Variants in TULP4 observed in about 807,000 individuals in gnomAD.
TULP4 encodes tubby-related protein 4.
TULP4 carries 16 observed loss-of-function variants against 129.0 expected under a neutral mutation model. That is an observed-to-expected ratio of 0.12 (90% CI 0.08 to 0.19). The LOEUF (loss-of-function observed/expected upper bound fraction) is 0.19. TULP4 is among the 10% of genes least tolerant of loss of function. The pLI is 1.00. For missense variants in TULP4, 1,842 were observed against 2,059.1 expected (o/e 0.89, Z 2.04); for synonymous variants, 998 against 854.0 (o/e 1.17, Z -2.94).
intron 1 of TULP4, among the ~76,000 whole-genome samples, chr6:158,249,313 A>G (rs571200589): frequency 6.8e-6 from 1 of 147,322 alleles, no homozygotes; most frequent in South Asian, 2.1e-4. Context: ...AATGAAATAA[A>G]TAATCTAATA....
At chr6:158,382,466 C>G (rs925664016) in intron 1 of TULP4, among the ~76,000 whole-genome samples, 4 of 152,174 alleles carry the variant, frequency 2.6e-5, no homozygotes, top group Non-Finnish European at 4.4e-5. Flanking sequence ...GCTGTGTCCT[C>G]TTTGCTTTTT....
At chr6:158,240,654 C>G (rs1479227546) in intron 1 of TULP4, among the ~76,000 whole-genome samples, 2 of 109,394 alleles carry the variant, frequency 1.8e-5, no homozygotes, top group African/African-American at 5.8e-5. Context: ...GAGGCTGACC[C>G]CCCCACCTCC....
At position 158,493,912 on chromosome 6, in the gene TULP4, C is replaced by T. The variant is rs1780270858; in HGVS notation, c.1776+195C>T. Among the ~76,000 whole-genome samples the T allele has an allele frequency of 6.6e-6, 1 of 152,146 alleles. No homozygotes were observed. Among genetic ancestry groups the T allele is most frequent in the South Asian group, 2.1e-4 (1 of 4,830 alleles). On this transcript the variant is annotated intron_variant, in intron 10 of 13. Coordinates refer to ENST00000367097, the MANE Select transcript of TULP4 (RefSeq NM_020245.5). This position sits in a 1 kb window ranked among gnomAD's most constrained non-coding sequence, Gnocchi z 4.4. ...TGGCTTCTCCACCTGTGCCCCTCAGCCAGTTCTGATCTTGCAGTGACGGTG... is the reference window on the plus strand; with the variant it reads ...TGGCTTCTCCACCTGTGCCCCTCAGTCAGTTCTGATCTTGCAGTGACGGTG...
At chr6:158,267,932 A>G (rs1778477390) in intron 1 of TULP4, among the ~76,000 whole-genome samples, 2 of 151,594 alleles carry the variant, frequency 1.3e-5, no homozygotes, top group South Asian at 2.1e-4. Context: ...AGAAGGGTTT[A>G]TCAGTGGTAC....
intron 3 of TULP4, among the ~76,000 whole-genome samples, chr6:158,433,572 G>A (rs956654456): frequency 1.6e-4 from 25 of 152,248 alleles, no homozygotes; most frequent in Non-Finnish European, 7.4e-5. Context: ...TTAGCCAGGC[G>A]TGGTGGCACG....
At chr6:158,288,171 T>C (rs1300560393) in intron 1 of TULP4, among the ~76,000 whole-genome samples, 2 of 152,234 alleles carry the variant, frequency 1.3e-5, no homozygotes, top group Non-Finnish European at 2.9e-5. Flanking sequence ...TATGGCTGTC[T>C]TAAATGACAT....
At chr6:158,365,883 T>A (rs1319992505) in intron 1 of TULP4, among the ~76,000 whole-genome samples, 1 of 97,084 alleles carries the variant, frequency 1.0e-5, no homozygotes, top group Non-Finnish European at 2.3e-5. Flanking sequence ...TTCTTTTTTT[T>A]TTTTTCTTTT....
Position 158,502,563 on chromosome 6 carries a change from A to G in TULP4, c.2900A>G (p.Gln967Arg). Reference sequence around the variant, plus strand: ...CCCCCGTATCCTGAAATTGCCAGCCAGCTGGCCCAGGGGCGGGGGGCTGCC... The same window carrying G: ...CCCCCGTATCCTGAAATTGCCAGCCGGCTGGCCCAGGGGCGGGGGGCTGCC... Reference protein sequence around the residue: ...DPPPYPEIASQLAQGRGAAQR... With the variant: ...DPPPYPEIASRLAQGRGAAQR... Residue 967 changes from glutamine to arginine, a missense_variant, in exon 13 of 14, where the codon CAG becomes CGG. Physicochemically the swap from Gln to Arg is conservative, Grantham distance 43 (BLOSUM62 1). Transcript: ENST00000367097. 8 of 1,606,556 alleles carry G rather than the reference A, an allele frequency of 5.0e-6. No homozygotes were observed. The highest frequency in any genetic ancestry group is 6.8e-6 in the Non-Finnish European group (8 of 1,179,910).
chr6:158,492,493 T>G (rs944076719), intron 9 of TULP4, among the ~76,000 whole-genome samples: 1 of 152,228 alleles, frequency 6.6e-6, no homozygotes, highest in Non-Finnish European at 1.5e-5. Flanking sequence ...TTATGAACTT[T>G]CCTATATTTC....
intron 1 of TULP4, among the ~76,000 whole-genome samples, chr6:158,265,675 C>T (rs1025537703): frequency 9.8e-5 from 14 of 142,356 alleles, no homozygotes; most frequent in African/African-American, 3.5e-4. Flanking sequence ...AGCAAGACTC[C>T]ATCTCAGAAG....
At chr6:158,254,562 A>G (rs1235206839) in intron 1 of TULP4, among the ~76,000 whole-genome samples, 2 of 152,206 alleles carry the variant, frequency 1.3e-5, no homozygotes, top group African/African-American at 4.8e-5. Context: ...GACTTTTTCC[A>G]CTGTAAGTGA....
chr6:158,414,887 A>G (rs1414427045), intron 2 of TULP4, among the ~76,000 whole-genome samples: 1 of 152,184 alleles, frequency 6.6e-6, no homozygotes, highest in Non-Finnish European at 1.5e-5. Flanking sequence ...CATTATTCTC[A>G]GTTAATAGAA....
At chr6:158,239,669 C>G (rs1476814742) in intron 1 of TULP4, among the ~76,000 whole-genome samples, 1 of 63,516 alleles carries the variant, frequency 1.6e-5, no homozygotes, top group African/African-American at 5.3e-5. Flanking sequence ...CCGGACCGGG[C>G]GGCTGGCCGG....
chr6:158,409,885 T>C (rs1238830146), intron 1 of TULP4, among the ~76,000 whole-genome samples: 1 of 152,132 alleles, frequency 6.6e-6, no homozygotes, highest in Non-Finnish European at 1.5e-5. Context: ...AGGTGGAGTC[T>C]TGCTCTGTCG....
intron 1 of TULP4, among the ~76,000 whole-genome samples, chr6:158,390,590 T>C (rs1777563140): frequency 6.6e-6 from 1 of 152,218 alleles, no homozygotes; most frequent in East Asian, 1.9e-4. Flanking sequence ...AAGGAAGTTA[T>C]TACTTTGCTC....
chr6:158,253,581 A>T (rs1778185629), intron 1 of TULP4, among the ~76,000 whole-genome samples: 1 of 152,198 alleles, frequency 6.6e-6, no homozygotes, highest in Non-Finnish European at 1.5e-5. Context: ...CTCAGCTTAC[A>T]CCTGTTAATG....
chr6:158,418,123 G>T (rs544379929), intron 2 of TULP4, among the ~76,000 whole-genome samples: 1 of 105,968 alleles, frequency 9.4e-6, no homozygotes, highest in African/African-American at 2.8e-5. Context: ...TTTTGGGAGC[G>T]GGGGAGACAG....
At chr6:158,308,913 G>A (rs1779273586), upstream of TULP4, among the ~76,000 whole-genome samples, 1 of 143,584 alleles carries the variant, frequency 7.0e-6, no homozygotes, top group African/African-American at 2.6e-5. Flanking sequence ...TCCCGGACGG[G>A]GCGGCTGGCC....
At chr6:158,274,782 C>G (rs1379035202) in intron 1 of TULP4, among the ~76,000 whole-genome samples, 1 of 151,834 alleles carries the variant, frequency 6.6e-6, no homozygotes, top group Admixed American at 6.6e-5. Flanking sequence ...GTCTCAAAAA[C>G]AAAAAACAAA....
Sources: gnomAD v4.1 joint callset for allele counts (sites outside exome capture counted in the v4.1 genomes callset) on GRCh38, gnomAD v4.1.1 for gene constraint, Gnocchi (gnomAD v3.1) non-coding constraint, MANE v1.5 for transcripts, NCBI Gene and HGNC (gene_info 2026-07-23, HGNC 2026-07-21) for gene names.